SC5D: variants seen among roughly 807,000 people sequenced by gnomAD.
SC5D encodes the protein sterol-C5-desaturase.
In SC5D, 21 loss-of-function variants were observed where a neutral mutation model predicts 23.9. The ratio of observed to expected loss-of-function variants is 0.88; its 90% confidence interval spans 0.62 to 1.26. The LOEUF (loss-of-function observed/expected upper bound fraction) is 1.26. SC5D is among the 50% of genes most tolerant of loss of function. The pLI, the probability that SC5D is intolerant of heterozygous loss-of-function variation, is 0.00. For missense variants in SC5D, 309 were observed against 364.8 expected, an observed-to-expected ratio of 0.85 and a Z score of 1.25; for synonymous variants, 113 against 125.9, an observed-to-expected ratio of 0.90 and a Z score of 0.68.
Position 121,310,628 on chromosome 11 carries a change from T to A in SC5D, c.*3116T>A, listed in dbSNP as rs959383306. ...GCCCGCCACCACCACGCCCGGCTAA[T>A]TTTTTATATTTTTAGTAGAGATGGG... is the stretch of plus-strand genomic sequence containing the variant. On this transcript the variant is annotated 3_prime_UTR_variant, in exon 5 of 5. Transcript: ENST00000264027. Among the ~76,000 whole-genome samples the A allele has an allele frequency of 2.0e-5, 3 of 151,990 alleles. No homozygotes were observed. The highest frequency in any genetic ancestry group is 7.2e-5 in the African/African-American group (3 of 41,388).
Position 121,309,481 on chromosome 11 carries a change from C to T in SC5D, c.*1969C>T, listed in dbSNP as rs1479863811. Among the ~76,000 whole-genome samples the T allele has an allele frequency of 6.6e-6, 1 of 152,156 alleles. No individual in the cohort carries two copies. The highest frequency in any genetic ancestry group is 1.5e-5 in the Non-Finnish European group (1 of 68,036). On this transcript the variant is annotated 3_prime_UTR_variant, in exon 5 of 5. Transcript: ENST00000264027. ...AGTTTGCCGTATTTGTGGTGTTCTC[C>T]TCTTGTTGATGTTGAAATGGTGAAT...
intron 1 of SC5D, among the ~76,000 whole-genome samples, chr11:121,300,783 A>T (rs1947920909): frequency 6.6e-6 from 1 of 152,208 alleles, no homozygotes; most frequent in Non-Finnish European, 1.5e-5. Context: ...AGTTCAGGCC[A>T]GTCAATTTTA....
Position 121,310,126 on chromosome 11 carries a change from G to A in SC5D, c.*2614G>A, listed in dbSNP as rs750267018. Among the ~76,000 whole-genome samples, 3 of 152,166 alleles carry A rather than the reference G, an allele frequency of 2.0e-5. No individual in the cohort carries two copies. Among genetic ancestry groups the A allele is most frequent in the African/African-American group, 7.2e-5 (3 of 41,434 alleles). ...ATACATGGATTTTACAGTGCATGCAGGTTATTTATGTAGAGAGGAGGTCTG... is the reference window on the plus strand; with the variant it reads ...ATACATGGATTTTACAGTGCATGCAAGTTATTTATGTAGAGAGGAGGTCTG... On this transcript the variant is annotated 3_prime_UTR_variant, in exon 5 of 5. Transcript: ENST00000264027.
intron 1 of SC5D, among the ~76,000 whole-genome samples, chr11:121,302,258 A>C (rs1947931195): frequency 6.6e-6 from 1 of 152,188 alleles, no homozygotes; most frequent in South Asian, 2.1e-4. Flanking sequence ...GAACACCTGA[A>C]ATCTATTGTG....
chr11:121,310,498 C>T lies in SC5D; in HGVS notation c.*2986C>T, dbSNP rs141633273. Among the ~76,000 whole-genome samples, 10,225 of 148,818 alleles carry T rather than the reference C, an allele frequency of 0.069. 364 individuals carry two copies. Among genetic ancestry groups the T allele is most frequent in the East Asian group, 0.087 (444 of 5,092 alleles). The stretch of plus-strand genomic sequence containing the variant: ...TTGAGATGGAGTCTTGCTCTGTTGC[C>T]CCAGGCTGGAGTGCAGTGGCGTGAT... On this transcript the variant is annotated 3_prime_UTR_variant, in exon 5 of 5. Transcript: ENST00000264027.
At chr11:121,294,461 C>A (rs1197007289) in intron 1 of SC5D, among the ~76,000 whole-genome samples, 1 of 151,810 alleles carries the variant, frequency 6.6e-6, no homozygotes, top group East Asian at 1.9e-4. Context: ...ATTTCTGTGC[C>A]CAGCTTCTTC....
chr11:121,300,265 A>G (rs947969006), intron 1 of SC5D, among the ~76,000 whole-genome samples: 5 of 152,246 alleles, frequency 3.3e-5, no homozygotes, highest in African/African-American at 9.6e-5. Flanking sequence ...AGTAAGAACA[A>G]TGAGCTTTGG....
intron 1 of SC5D, among the ~76,000 whole-genome samples, chr11:121,300,014 A>C (rs1012907225): frequency 6.6e-6 from 1 of 152,256 alleles, no homozygotes; most frequent in Admixed American, 6.5e-5. Flanking sequence ...TTCCGAAATA[A>C]CATCTGATGC....
In SC5D at chr11:121,304,510, A is replaced by G; in HGVS notation, c.343+17A>G. The G allele has an allele frequency of 6.2e-7, 1 of 1,611,726 alleles. No homozygotes were observed. The highest frequency in any genetic ancestry group is 2.2e-5 in the East Asian group (1 of 44,794). On this transcript the variant is annotated intron_variant, in intron 3 of 4. Coordinates refer to ENST00000264027, the MANE Select transcript of SC5D (RefSeq NM_006918.5). ...TTCCATATGGTAAGTAAATAACACG[A>G]GTGTCAGGAAGAGAGTAGTCTAAGC...
At chr11:121,297,953 C>T (rs1947900805) in intron 1 of SC5D, among the ~76,000 whole-genome samples, 1 of 152,154 alleles carries the variant, frequency 6.6e-6, no homozygotes, top group Non-Finnish European at 1.5e-5. Context: ...TTTATGCATT[C>T]TCCTCAACTG....
intron 1 of SC5D, among the ~76,000 whole-genome samples, chr11:121,294,181 G>A (rs1047807736): frequency 1.1e-4 from 16 of 152,146 alleles, no homozygotes; most frequent in African/African-American, 3.1e-4. Context: ...AATTCTGCAA[G>A]GACAAAGTAT....
intron 1 of SC5D, among the ~76,000 whole-genome samples, chr11:121,302,893 A>G (rs1947935410): frequency 6.6e-6 from 1 of 152,126 alleles, no homozygotes; most frequent in African/African-American, 2.4e-5. Flanking sequence ...TCTTTTAGGG[A>G]ATTTATCTTA....
chr11:121,312,177 A>C lies in SC5D; in HGVS notation c.*4665A>C, dbSNP rs555024364. Among the ~76,000 whole-genome samples, 25 of 152,310 alleles carry C rather than the reference A, an allele frequency of 1.6e-4. No homozygotes were observed. Among genetic ancestry groups the C allele is most frequent in the African/African-American group, 5.5e-4 (23 of 41,582 alleles). On this transcript the variant is annotated 3_prime_UTR_variant, in exon 5 of 5. Transcript: ENST00000264027. ...CATACCTTCCTTGAAAAGCAGAATA[A>C]ATTTTTTAAAGGCAGGAAGGAAGTG...
chr11:121,295,044 T>C (rs552655016), intron 1 of SC5D, among the ~76,000 whole-genome samples: 5 of 152,250 alleles, frequency 3.3e-5, no homozygotes, highest in Non-Finnish European at 7.3e-5. Context: ...TATATTTACA[T>C]GTGGCCTATT....
intron 1 of SC5D, among the ~76,000 whole-genome samples, chr11:121,299,349 T>C (rs1487657509): frequency 6.6e-6 from 1 of 152,230 alleles, no homozygotes; most frequent in Non-Finnish European, 1.5e-5. Flanking sequence ...AATGAACATT[T>C]ATTGCGTGTA....
intron 3 of SC5D, chr11:121,305,729 A>G (rs563086743): frequency 6.5e-6 from 1 of 152,738 alleles, no homozygotes; most frequent in East Asian, 1.9e-4. Context: ...AAAAGAAAAA[A>G]AAAGTCAGTT....
Position 121,303,590 on chromosome 11 carries a change from GAA to G in SC5D, c.210+7_210+8del. ...AAACATCCACAATTTTTAAAGGTAAGAAATGTTTTTACCTATTTTCTAACGAT... is the reference window on the plus strand; with the variant it reads ...AAACATCCACAATTTTTAAAGGTAAGATGTTTTTACCTATTTTCTAACGAT... On this transcript the variant is annotated splice_donor_region_variant and intron_variant, in intron 2 of 4. Coordinates refer to ENST00000264027, the MANE Select transcript of SC5D (RefSeq NM_006918.5). 1 of 1,584,796 alleles carries G rather than the reference GAA, an allele frequency of 6.3e-7. No individual in the cohort carries two copies. The highest frequency in any genetic ancestry group is 8.7e-7 in the Non-Finnish European group (1 of 1,153,946).
At chr11:121,296,263 G>T (rs533303361) in intron 1 of SC5D, among the ~76,000 whole-genome samples, 1 of 152,106 alleles carries the variant, frequency 6.6e-6, no homozygotes, top group Admixed American at 6.5e-5. Context: ...TCCTCATAGC[G>T]TGTGAGAGAA....
At position 121,307,595 on chromosome 11, in the gene SC5D, C is replaced by A; in HGVS notation, c.*83C>A. On this transcript the variant is annotated 3_prime_UTR_variant, in exon 5 of 5. Coordinates refer to ENST00000264027, the MANE Select transcript of SC5D (RefSeq NM_006918.5). ...TTTTTTAATAAGGAAAAAATAATAT[C>A]CATACAGTCAAGATACATAGTAAAT... 2.3e-6 allele frequency: 2 copies of A among 865,784 alleles called. No homozygotes were observed. The highest frequency in any genetic ancestry group is 3.5e-6 in the Non-Finnish European group (2 of 569,334). The allele number at this position is 865,784 out of a possible 1,614,324, so 53.6% of individuals were successfully genotyped here.
Sources: gnomAD v4.1 joint callset for allele counts (sites outside exome capture counted in the v4.1 genomes callset) on GRCh38, gnomAD v4.1.1 for gene constraint, MANE v1.5 for transcripts, NCBI Gene and HGNC (gene_info 2026-07-23, HGNC 2026-07-21) for gene names.